The following BICDL1 variants were observed in gnomAD, a reference collection of about 807,000 sequenced individuals.
The protein encoded by BICDL1 is BICD family-like cargo adapter 1.
BICDL1 carries 20 observed loss-of-function variants against 76.8 expected under a neutral mutation model. That is an observed-to-expected ratio of 0.26 (90% CI 0.18 to 0.38). The LOEUF (loss-of-function observed/expected upper bound fraction) is 0.38. Among genes scored for constraint, BICDL1 ranks in the 10% least tolerant of loss-of-function variants. The pLI is 1.00. For synonymous variants in BICDL1, 383 were observed against 337.1 expected (o/e 1.14, Z -1.49); for missense variants, 700 against 798.6 (o/e 0.88, Z 1.49).
intron 7 of BICDL1, 21 bp from the exon 8 acceptor site, chr12:120,080,866 C>T: frequency 6.2e-7 from 1 of 1,610,750 alleles, no homozygotes; most frequent in Non-Finnish European, 8.5e-7. Flanking sequence ...AGCAGTGATA[C>T]CATATTCATT....
At chr12:120,030,160 G>C (rs533740648) in intron 2 of BICDL1, among the ~76,000 whole-genome samples, 30 of 152,152 alleles carry the variant, frequency 2.0e-4, no homozygotes, top group African/African-American at 7.2e-4. Flanking sequence ...TGAGTGATGA[G>C]GACACTTAAA....
chr12:119,992,102 C>T (rs762339432), intron 1 of BICDL1, among the ~76,000 whole-genome samples: 9 of 152,090 alleles, frequency 5.9e-5, no homozygotes, highest in Non-Finnish European at 1.3e-4. Context: ...AAATATTGAT[C>T]ATTGTTGAAA....
At chr12:120,012,879 C>T (rs1004789167) in intron 2 of BICDL1, among the ~76,000 whole-genome samples, 1 of 152,004 alleles carries the variant, frequency 6.6e-6, no homozygotes, top group Non-Finnish European at 1.5e-5. Context: ...ATACTGTGTC[C>T]AGCTCATTCC....
chr12:120,077,064 G>A (rs938130602), intron 7 of BICDL1, among the ~76,000 whole-genome samples: 1 of 152,252 alleles, frequency 6.6e-6, no homozygotes, highest in African/African-American at 2.4e-5. Context: ...CTAGCACACA[G>A]CTCCTGGACT....
intron 1 of BICDL1, among the ~76,000 whole-genome samples, chr12:119,990,681 G>A (rs1287465564): frequency 1.3e-5 from 2 of 152,204 alleles, no homozygotes; most frequent in African/African-American, 4.8e-5. Flanking sequence ...TCTCTAATCA[G>A]GGTGTTAGCC....
chr12:119,995,509 T>C (rs1265398147), intron 1 of BICDL1, among the ~76,000 whole-genome samples: 1 of 152,214 alleles, frequency 6.6e-6, no homozygotes, highest in Non-Finnish European at 1.5e-5. Flanking sequence ...CACTCTGTTC[T>C]TTTAGAACAC....
At chr12:120,067,706 C>T (rs1953250505) in intron 4 of BICDL1, among the ~76,000 whole-genome samples, 1 of 152,194 alleles carries the variant, frequency 6.6e-6, no homozygotes, top group Admixed American at 6.5e-5. Flanking sequence ...TTGTCCAGTA[C>T]ATAAGAACTT....
chr12:119,998,476 T>C (rs750724584), intron 1 of BICDL1, 45 bp from the exon 2 acceptor site: 2 of 1,509,868 alleles, frequency 1.3e-6, no homozygotes, highest in Non-Finnish European at 1.8e-6. Flanking sequence ...AATAAAAGGC[T>C]GTGGAATTTT....
intron 8 of BICDL1, among the ~76,000 whole-genome samples, chr12:120,086,071 T>C (rs1327227810): frequency 6.6e-6 from 1 of 151,610 alleles, no homozygotes; most frequent in Admixed American, 6.6e-5. Flanking sequence ...AACCTTGTAA[T>C]GCATGCTCTT....
At chr12:120,056,928 G>C in intron 2 of BICDL1, 2 of 362,716 alleles carry the variant, frequency 5.5e-6, no homozygotes, top group Non-Finnish European at 1.1e-5. Context: ...CCTTGATGCA[G>C]GTTAGGGCTC....
chr12:120,032,958 G>A (rs973220385), intron 2 of BICDL1, among the ~76,000 whole-genome samples: 13 of 151,826 alleles, frequency 8.6e-5, no homozygotes, highest in Admixed American at 8.5e-4. Flanking sequence ...TGTTAGCCAG[G>A]ATGATCTCTA....
At chr12:120,076,454 T>C (rs1873555016) in intron 7 of BICDL1, among the ~76,000 whole-genome samples, 1 of 152,242 alleles carries the variant, frequency 6.6e-6, no homozygotes, top group Admixed American at 6.5e-5. Context: ...CTCAGAATTA[T>C]AAAACTAGAA....
At chr12:120,032,195 G>C (rs1403398863) in intron 2 of BICDL1, among the ~76,000 whole-genome samples, 1 of 152,188 alleles carries the variant, frequency 6.6e-6, no homozygotes, top group African/African-American at 2.4e-5. Context: ...AAGTCAGGAA[G>C]AATCTTTTTG....
chr12:120,057,923 C>T (rs919769229), intron 2 of BICDL1, among the ~76,000 whole-genome samples: 3 of 150,488 alleles, frequency 2.0e-5, no homozygotes, highest in African/African-American at 4.9e-5. Flanking sequence ...CTCCGCCTCC[C>T]GGGCTCATGC....
intron 2 of BICDL1, among the ~76,000 whole-genome samples, chr12:120,039,087 A>G (rs1952581483): frequency 6.6e-6 from 1 of 152,090 alleles, no homozygotes; most frequent in Non-Finnish European, 1.5e-5. Flanking sequence ...ACCTGAGGTC[A>G]GGAGTTTGAG....
intron 2 of BICDL1, among the ~76,000 whole-genome samples, chr12:120,009,486 G>T (rs575956727): frequency 1.3e-5 from 2 of 151,832 alleles, no homozygotes; most frequent in South Asian, 4.2e-4. Context: ...TCTTTTTCAT[G>T]CTTCTAGATT....
At chr12:120,090,202 C>T in intron 9 of BICDL1, 131 bp downstream of exon 9, 2 of 1,091,082 alleles carry the variant, frequency 1.8e-6, no homozygotes, top group Non-Finnish European at 2.6e-6. Flanking sequence ...CCAGTCTTCA[C>T]CTGGCAAGAT....
chr12:120,015,134 C>A (rs751414291), intron 2 of BICDL1, among the ~76,000 whole-genome samples: 2 of 152,124 alleles, frequency 1.3e-5, no homozygotes, highest in African/African-American at 2.4e-5. Flanking sequence ...CTGCCCCTTC[C>A]CACTTGCAGT....
chr12:120,093,227 G>C lies in BICDL1; in HGVS notation c.*66G>C, dbSNP rs566333064. Reference sequence around the variant, plus strand: ...GCAGCTGGAAAGGCGGTGCAGGCAAGGCCTCCCCTGCAGCTTGCACCTCAG... The same window carrying C: ...GCAGCTGGAAAGGCGGTGCAGGCAACGCCTCCCCTGCAGCTTGCACCTCAG... On this transcript the variant is annotated 3_prime_UTR_variant, in exon 10 of 10. Transcript: ENST00000548673. The C allele has an allele frequency of 6.6e-7, 1 of 1,522,454 alleles. No homozygotes were observed. The highest frequency in any genetic ancestry group is 8.9e-7 in the Non-Finnish European group (1 of 1,124,122). 94.3% of individuals were successfully genotyped at this position (1,522,454 alleles called of 1,614,324 possible). A position where few individuals can be genotyped will look rare whatever the true frequency, so the allele number is the denominator to read the frequency against.
Sources: gnomAD v4.1 joint callset for allele counts (sites outside exome capture counted in the v4.1 genomes callset) on GRCh38, gnomAD v4.1.1 for gene constraint, MANE v1.5 for transcripts, NCBI Gene and HGNC (gene_info 2026-07-23, HGNC 2026-07-21) for gene names.